Variants in KIF26B observed in about 807,000 individuals in gnomAD.
KIF26B encodes kinesin family member 26B, also known as kinesin-like protein KIF26B.
KIF26B carries 63 observed loss-of-function variants against 151.2 expected under a neutral mutation model. The observed-to-expected ratio is 0.42, with a 90% CI of 0.34 to 0.51. The LOEUF (loss-of-function observed/expected upper bound fraction) is 0.51, where lower values mean the gene tolerates loss of function less well. KIF26B is among the 20% of genes least tolerant of loss of function. The probability of loss-of-function intolerance (pLI) is 0.07; values close to 1 mark genes in which losing one functional copy is unlikely to be tolerated. For synonymous variants in KIF26B, 1,357 were observed against 1,262.1 expected, an observed-to-expected ratio of 1.08 and a Z score of -1.59; for missense variants, 2,813 against 2,913.6, an observed-to-expected ratio of 0.97 and a Z score of 0.79.
intron 9 of KIF26B, among the ~76,000 whole-genome samples, chr1:245,628,025 G>A (rs561250752): frequency 6.6e-6 from 1 of 152,310 alleles, no homozygotes; most frequent in African/African-American, 2.4e-5. Flanking sequence ...GGACCAGATG[G>A]ATTCACAGCC....
intron 2 of KIF26B, among the ~76,000 whole-genome samples, chr1:245,361,932 C>T (rs764814339): frequency 2.0e-5 from 3 of 151,352 alleles, no homozygotes; most frequent in Non-Finnish European, 4.4e-5. Flanking sequence ...CTTCCCCACC[C>T]GGAGCCATGG....
At chr1:245,203,240 C>CT (rs1235912588) in intron 2 of KIF26B, among the ~76,000 whole-genome samples, 2 of 1,340 alleles carry the variant, frequency 1.5e-3, no homozygotes, top group Non-Finnish European at 3.7e-3. Context: ...GAGCGCGACT[C>CT]TGTCTCAAAA....
At chr1:245,391,315 C>T (rs1673693634) in intron 3 of KIF26B, among the ~76,000 whole-genome samples, 1 of 152,132 alleles carries the variant, frequency 6.6e-6, no homozygotes, top group South Asian at 2.1e-4. Context: ...GAAACTACCA[C>T]TTGTTGATTT....
At chr1:245,258,480 G>A (rs1262170682) in intron 2 of KIF26B, among the ~76,000 whole-genome samples, 2 of 152,160 alleles carry the variant, frequency 1.3e-5, no homozygotes, top group East Asian at 3.9e-4. Flanking sequence ...AGTGGTGTTG[G>A]TATTGGAGCA....
At chr1:245,550,180 A>G (rs896533354) in intron 5 of KIF26B, among the ~76,000 whole-genome samples, 1 of 152,182 alleles carries the variant, frequency 6.6e-6, no homozygotes, top group Non-Finnish European at 1.5e-5. Flanking sequence ...AAAGATTCAG[A>G]TATCAATTTT....
At chr1:245,485,426 C>A (rs1164073799) in intron 4 of KIF26B, among the ~76,000 whole-genome samples, 1 of 151,024 alleles carries the variant, frequency 6.6e-6, no homozygotes, top group Non-Finnish European at 1.5e-5. Context: ...CTCTGTCACC[C>A]AGGCTGGAGT....
At chr1:245,530,128 A>C (rs566367561) in intron 4 of KIF26B, among the ~76,000 whole-genome samples, 1 of 152,356 alleles carries the variant, frequency 6.6e-6, no homozygotes, top group East Asian at 1.9e-4. Context: ...AACTACAATG[A>C]GATTATCATC....
chr1:245,256,124 C>T (rs12075902), intron 2 of KIF26B, among the ~76,000 whole-genome samples: 50,257 of 152,016 alleles, frequency 0.33, 8,634 homozygotes, highest in East Asian at 0.53. Context: ...ATGCCCTTCT[C>T]AGCTGTGTGA....
chr1:245,437,878 T>C (rs1362938637), intron 4 of KIF26B, among the ~76,000 whole-genome samples: 1 of 152,226 alleles, frequency 6.6e-6, no homozygotes, highest in African/African-American at 2.4e-5. Context: ...ACCTTGTGTC[T>C]TTGACCTTGT....
At chr1:245,317,540 T>C (rs1206787507) in intron 2 of KIF26B, among the ~76,000 whole-genome samples, 1 of 152,216 alleles carries the variant, frequency 6.6e-6, no homozygotes, top group Non-Finnish European at 1.5e-5. Context: ...TTATTTGGAA[T>C]GAGGAGGCAA....
Position 245,540,982 on chromosome 1 carries a change from C to T in KIF26B, c.1350+32C>T. On this transcript the variant is annotated intron_variant, in intron 5 of 14. Coordinates refer to ENST00000407071, the MANE Select transcript of KIF26B (RefSeq NM_018012.4). This position sits in a 1 kb window ranked among gnomAD's most constrained non-coding sequence, Gnocchi z 4.6. ...CCATCCGCCGTCCCTGCCATTTGCCCAGTGTGCGAGGTTCTGGATCAAGTT... is the reference window on the plus strand; with the variant it reads ...CCATCCGCCGTCCCTGCCATTTGCCTAGTGTGCGAGGTTCTGGATCAAGTT... 6.3e-7 allele frequency: 1 copy of T among 1,579,530 alleles called. No individual in the cohort carries two copies. The highest frequency in any genetic ancestry group is 8.6e-7 in the Non-Finnish European group (1 of 1,157,436).
intron 10 of KIF26B, among the ~76,000 whole-genome samples, chr1:245,682,453 TG>T (rs1452090765): frequency 3.4e-5 from 5 of 146,786 alleles, no homozygotes; most frequent in Non-Finnish European, 1.5e-5. Context: ...CCACTACTCA[TG>T]TAAGACCTGA....
At chr1:245,694,222 A>G (rs1464034807) in intron 12 of KIF26B, among the ~76,000 whole-genome samples, 1 of 152,246 alleles carries the variant, frequency 6.6e-6, no homozygotes, top group Non-Finnish European at 1.5e-5. Context: ...CACAGCCAGC[A>G]TCGTTCTTCA....
chr1:245,194,805 C>T lies in KIF26B; in HGVS notation c.465+38122C>T, dbSNP rs149671374. 3.9e-4 allele frequency among the ~76,000 whole-genome samples: 60 copies of T among 152,216 alleles called. No homozygotes were observed. The East Asian group carries it at 7.5e-3, about 19-fold the overall frequency. Reference sequence around the variant, plus strand: ...AAGAATGCTGGTAATCAGGTATTGGCGTTTCTTCAAAAAGCCAAAATCTGT... The same window carrying T: ...AAGAATGCTGGTAATCAGGTATTGGTGTTTCTTCAAAAAGCCAAAATCTGT... On this transcript the variant is annotated intron_variant, in intron 2 of 14. Transcript: ENST00000407071.
At position 245,488,553 on chromosome 1, in the gene KIF26B, G is replaced by C. The variant is rs995399172; in HGVS notation, c.1167-52214G>C. Among the ~76,000 whole-genome samples, 5 of 147,364 alleles carry C rather than the reference G, an allele frequency of 3.4e-5. No individual in the cohort carries two copies. Reference sequence around the variant, plus strand: ...GGGAATGAACTACCCCCTCTGCCTCGGGGACAGGCACCTCCTGGTCCACAT... The same window carrying C: ...GGGAATGAACTACCCCCTCTGCCTCCGGGACAGGCACCTCCTGGTCCACAT... On this transcript the variant is annotated intron_variant, in intron 4 of 14. Transcript: ENST00000407071. The surrounding 1 kb of genome is among the most constrained non-coding windows in gnomAD (Gnocchi z 4.6).
intron 10 of KIF26B, among the ~76,000 whole-genome samples, chr1:245,683,307 A>G (rs1046430314): frequency 1.4e-5 from 2 of 144,906 alleles, no homozygotes; most frequent in African/African-American, 5.0e-5. Context: ...CATGGGAAAT[A>G]GGCTTCCTCA....
intron 4 of KIF26B, among the ~76,000 whole-genome samples, chr1:245,482,880 G>A (rs376614701): frequency 5.3e-5 from 8 of 151,816 alleles, no homozygotes; most frequent in African/African-American, 1.7e-4. Flanking sequence ...GAAGCCTCAC[G>A]ATCTGGGAGG....
In KIF26B at chr1:245,511,832, A is replaced by T. The variant is rs567813647; in HGVS notation, c.1167-28935A>T. ...TAAGCACTTCAATTCCTAAGTATTC[A>T]GGGAGGAAAAACAAGTCACTTGAAG... On this transcript the variant is annotated intron_variant, in intron 4 of 14. Transcript: ENST00000407071. Among the ~76,000 whole-genome samples, 7 of 152,332 alleles carry T rather than the reference A, an allele frequency of 4.6e-5. No individual in the cohort carries two copies. In the South Asian group the frequency reaches 1.5e-3, roughly 32 times the overall value.
At chr1:245,655,297 G>C (rs767635115) in intron 10 of KIF26B, among the ~76,000 whole-genome samples, 1 of 152,232 alleles carries the variant, frequency 6.6e-6, no homozygotes, top group Non-Finnish European at 1.5e-5. Context: ...TAGACAAAGA[G>C]ACGTGCTTCA....
Sources: allele counts gnomAD v4.1 joint callset (sites outside exome capture counted in the v4.1 genomes callset), GRCh38; gene constraint gnomAD v4.1.1; non-coding constraint Gnocchi (gnomAD v3.1); transcripts MANE v1.5; gene names NCBI Gene and HGNC (gene_info 2026-07-23, HGNC 2026-07-21).